The following MBNL1 variants were observed in gnomAD, a reference collection of about 807,000 sequenced individuals.
MBNL1 encodes the protein muscleblind-like protein 1.
A neutral mutation model predicts 42.2 loss-of-function variants in MBNL1; 8 were observed. The ratio of observed to expected loss-of-function variants is 0.19; its 90% CI spans 0.11 to 0.34. MBNL1 has a LOEUF of 0.34. Ranked by LOEUF, MBNL1 falls within the 10% of genes least tolerant of loss-of-function variation. The pLI is 1.00. For missense variants in MBNL1, 309 were observed against 495.3 expected (o/e 0.62, Z 3.57); for synonymous variants, 169 against 173.9 (o/e 0.97, Z 0.22).
intron 2 of MBNL1, among the ~76,000 whole-genome samples, chr3:152,402,877 G>C (rs981465758): frequency 6.6e-6 from 1 of 152,152 alleles, no homozygotes; most frequent in African/African-American, 2.4e-5. Context: ...TTCTTGGCCT[G>C]ATATAGACTG....
intron 1 of MBNL1, among the ~76,000 whole-genome samples, chr3:152,279,998 A>T (rs113322497): frequency 2.6e-5 from 4 of 152,186 alleles, no homozygotes; most frequent in African/African-American, 9.6e-5. Context: ...TATTTAGAAC[A>T]TATGGCAAAT....
chr3:152,395,115 T>G (rs1277509176), intron 2 of MBNL1, among the ~76,000 whole-genome samples: 1 of 152,186 alleles, frequency 6.6e-6, no homozygotes, highest in Non-Finnish European at 1.5e-5. Context: ...TGCCTCAGCC[T>G]CCCAAAGTGC....
At chr3:152,268,700 G>T, upstream of MBNL1, 1 of 453,554 alleles carries the variant, frequency 2.2e-6, no homozygotes, top group Non-Finnish European at 4.4e-6. Context: ...GACCGCCCAT[G>T]ACCCGCTCTT....
intron 1 of MBNL1, among the ~76,000 whole-genome samples, chr3:152,284,525 T>C (rs564180544): frequency 6.6e-6 from 1 of 152,184 alleles, no homozygotes; most frequent in Admixed American, 6.5e-5. Context: ...TTATCAGCTG[T>C]TAATTAGGTT....
At chr3:152,413,264 A>C (rs2153635925) in intron 2 of MBNL1, among the ~76,000 whole-genome samples, 1 of 152,328 alleles carries the variant, frequency 6.6e-6, no homozygotes, top group South Asian at 2.1e-4. Context: ...AAGATGTTTA[A>C]AAAATCATCT....
intron 2 of MBNL1, among the ~76,000 whole-genome samples, chr3:152,371,289 T>C (rs1422757493): frequency 6.6e-6 from 1 of 152,204 alleles, no homozygotes; most frequent in African/African-American, 2.4e-5. Context: ...AATTCTGGGT[T>C]GAAAATTCTT....
intron 2 of MBNL1, among the ~76,000 whole-genome samples, chr3:152,312,098 G>A (rs934786200): frequency 1.3e-5 from 2 of 150,926 alleles, no homozygotes; most frequent in Admixed American, 6.6e-5. Context: ...AGGCTGAGGC[G>A]GGAGAATGGC....
intron 2 of MBNL1, among the ~76,000 whole-genome samples, chr3:152,355,964 C>T (rs1213348106): frequency 6.6e-6 from 1 of 152,152 alleles, no homozygotes; most frequent in Non-Finnish European, 1.5e-5. Context: ...GCCAGCGTGG[C>T]CTTATACCTT....
chr3:152,408,415 T>C (rs112384705), intron 2 of MBNL1, among the ~76,000 whole-genome samples: 2,879 of 152,200 alleles, frequency 0.019, 40 homozygotes, highest in Non-Finnish European at 0.03. Flanking sequence ...CTATAAAAGC[T>C]CTTAAGAGTT....
intron 2 of MBNL1, among the ~76,000 whole-genome samples, chr3:152,400,710 A>G (rs2098178241): frequency 2.6e-5 from 4 of 152,234 alleles, no homozygotes; most frequent in Admixed American, 6.5e-5. Flanking sequence ...AACAAAGGAC[A>G]GTAGCTTTTT....
chr3:152,287,225 A>G (rs1446060883), intron 1 of MBNL1, among the ~76,000 whole-genome samples: 1 of 152,160 alleles, frequency 6.6e-6, no homozygotes, highest in African/African-American at 2.4e-5. Context: ...AAAAAAAAAA[A>G]AAAATGGTTG....
intron 3 of MBNL1, among the ~76,000 whole-genome samples, chr3:152,423,063 C>A (rs374664393): frequency 1.6e-4 from 24 of 152,132 alleles, no homozygotes; most frequent in African/African-American, 5.3e-4. Flanking sequence ...CAAACAAATT[C>A]AAAAGCTAGC....
intron 8 of MBNL1, chr3:152,457,997 A>G (rs1284349044): frequency 3.1e-6 from 2 of 654,316 alleles, no homozygotes; most frequent in African/African-American, 1.8e-5. Flanking sequence ...ATACATATGT[A>G]TATGCCTACA....
chr3:152,290,277 A>G (rs1020684898), intron 1 of MBNL1, among the ~76,000 whole-genome samples: 10 of 151,994 alleles, frequency 6.6e-5, no homozygotes, highest in Non-Finnish European at 1.3e-4. Flanking sequence ...GATCCTAATG[A>G]GATATGCTTT....
intron 2 of MBNL1, among the ~76,000 whole-genome samples, chr3:152,373,849 A>T (rs1184636462): frequency 6.6e-6 from 1 of 152,234 alleles, no homozygotes; most frequent in Non-Finnish European, 1.5e-5. Context: ...ATGTTTACAT[A>T]TTTTAAAATT....
chr3:152,435,739 C>T (rs963991706), intron 4 of MBNL1, among the ~76,000 whole-genome samples: 1 of 152,102 alleles, frequency 6.6e-6, no homozygotes, highest in African/African-American at 2.4e-5. Flanking sequence ...TTGTCATTCT[C>T]ATTTTAGAGA....
chr3:152,404,162 T>C (rs1560462438), intron 2 of MBNL1, among the ~76,000 whole-genome samples: 1 of 152,076 alleles, frequency 6.6e-6, no homozygotes, highest in Non-Finnish European at 1.5e-5. Context: ...CAATGAAAAA[T>C]TGGGAAAAAG....
chr3:152,371,531 G>A (rs1237358807), intron 2 of MBNL1, among the ~76,000 whole-genome samples: 2 of 152,150 alleles, frequency 1.3e-5, no homozygotes, highest in Non-Finnish European at 2.9e-5. Context: ...CAGGAGGTCA[G>A]GTTGCGGTGA....
At chr3:152,345,963 G>C (rs2094169404) in intron 2 of MBNL1, among the ~76,000 whole-genome samples, 1 of 152,006 alleles carries the variant, frequency 6.6e-6, no homozygotes, top group Non-Finnish European at 1.5e-5. Context: ...TTGTTTGTTT[G>C]TTGCTATTCT....
Sources: allele counts gnomAD v4.1 joint callset (sites outside exome capture counted in the v4.1 genomes callset), GRCh38; gene constraint gnomAD v4.1.1; transcripts MANE v1.5; gene names NCBI Gene and HGNC (gene_info 2026-07-23, HGNC 2026-07-21).